The following RELB variants were observed in gnomAD, a reference collection of about 807,000 sequenced individuals.
RELB encodes RELB proto-oncogene, NF-kB subunit, also known as transcription factor RelB.
A neutral mutation model predicts 55.4 loss-of-function variants in RELB; 14 were observed. That is an observed-to-expected ratio of 0.25 (90% CI 0.17 to 0.40). RELB has a LOEUF of 0.40. Among genes scored for constraint, RELB ranks in the 10% least tolerant of loss-of-function variants. The pLI, the probability that RELB is intolerant of heterozygous loss-of-function variation, is 1.00. For synonymous variants in RELB, 409 were observed against 371.3 expected (o/e 1.10, Z -1.17); for missense variants, 669 against 830.7 (o/e 0.81, Z 2.39).
At position 45,031,965 on chromosome 19, in the gene RELB, T is replaced by C. The variant is rs1201998859; in HGVS notation, c.992-569T>C. Among the ~76,000 whole-genome samples, 7 of 151,454 alleles carry C rather than the reference T, an allele frequency of 4.6e-5. No individual in the cohort carries two copies. In the Admixed American group the frequency reaches 4.6e-4, roughly 10 times the overall value. ...AAAATACATAAAACAAGGCCGGGTT[T>C]GGTGGCTTACATCTGTAATCCCAGC... On this transcript the variant is annotated intron_variant, in intron 8 of 11. Coordinates refer to ENST00000221452, the MANE Select transcript of RELB (RefSeq NM_006509.4).
intron 9 of RELB, 68 bp downstream of exon 9, chr19:45,032,817 G>C (rs1214132438): frequency 1.5e-5 from 20 of 1,324,376 alleles, no homozygotes; most frequent in Non-Finnish European, 2.1e-5. Context: ...GGAGACCCCA[G>C]TGGGGATGGG....
intron 7 of RELB, among the ~76,000 whole-genome samples, chr19:45,027,662 T>C (rs1233868684): frequency 6.6e-6 from 1 of 152,016 alleles, no homozygotes; most frequent in Non-Finnish European, 1.5e-5. Flanking sequence ...GGCTCAGCCC[T>C]GCCCAATCCC....
At position 45,014,255 on chromosome 19, in the gene RELB, C is replaced by T. The variant is rs540601625; in HGVS notation, c.504+1979C>T. 1.2e-3 allele frequency among the ~76,000 whole-genome samples: 183 copies of T among 151,334 alleles called. 1 individual carries two copies. Among genetic ancestry groups the T allele is most frequent in the African/African-American group, 4.3e-3 (176 of 41,152 alleles). ...CACAAGCACGGCTCACTGCAGCCTC[C>T]ACCTCCCAGGCTCAAGAGACCCTCC... On this transcript the variant is annotated intron_variant, in intron 4 of 11. Transcript: ENST00000221452.
At chr19:45,012,581 T>G (rs2122416468) in intron 4 of RELB, among the ~76,000 whole-genome samples, 1 of 151,636 alleles carries the variant, frequency 6.6e-6, no homozygotes, top group South Asian at 2.1e-4. Flanking sequence ...CCATCTGTAC[T>G]AAAAGTACAC....
In RELB at chr19:45,006,631, T is replaced by C. The variant is rs971396646; in HGVS notation, c.155-3183T>C. ...AGGAGACAGGTATGAGTCAGTGTAA[T>C]GTGAGGTCATGTGACATCTTCATCA... On this transcript the variant is annotated intron_variant, in intron 2 of 11. Coordinates refer to ENST00000221452, the MANE Select transcript of RELB (RefSeq NM_006509.4). 1.1e-4 allele frequency among the ~76,000 whole-genome samples: 16 copies of C among 151,988 alleles called. 1 individual carries two copies. The highest frequency in any genetic ancestry group is 9.8e-4 in the Admixed American group (15 of 15,234).
At chr19:45,017,237 G>A (rs1784594070) in intron 4 of RELB, among the ~76,000 whole-genome samples, 1 of 152,132 alleles carries the variant, frequency 6.6e-6, no homozygotes, top group South Asian at 2.1e-4. Flanking sequence ...TGCCAAGTGG[G>A]ACTGGCCCTG....
chr19:45,012,746 G>GA (rs145397577), intron 4 of RELB, among the ~76,000 whole-genome samples: 68,441 of 142,018 alleles, frequency 0.48, 17,056 homozygotes, highest in East Asian at 0.57. Flanking sequence ...CAAAAAAAAA[G>GA]AAAAAAAAAA....
chr19:45,032,324 CAGG>C, intron 8 of RELB: 1 of 510,092 alleles, frequency 2.0e-6, no homozygotes, highest in Non-Finnish European at 3.6e-6. Context: ...GAGGCTGAGG[CAGG>C]AGAATTGCTT....
intron 4 of RELB, among the ~76,000 whole-genome samples, chr19:45,019,050 C>T (rs1971453631): frequency 6.6e-6 from 1 of 152,108 alleles, no homozygotes; most frequent in African/African-American, 2.4e-5. Context: ...AACATACACA[C>T]ACACAGATAC....
At chr19:45,022,347 C>T (rs895057134) in intron 5 of RELB, 137 bp downstream of exon 5, 2 of 826,064 alleles carry the variant, frequency 2.4e-6, no homozygotes, top group African/African-American at 1.7e-5. Flanking sequence ...GGGAGACAGG[C>T]CTGGGGACAG....
chr19:45,025,276 G>C, intron 5 of RELB, 53 bp from the exon 6 acceptor site: 1 of 1,323,156 alleles, frequency 7.6e-7, no homozygotes, highest in Non-Finnish European at 1.1e-6. Flanking sequence ...GCAGGTTAGG[G>C]CCACACTTGC....
intron 7 of RELB, among the ~76,000 whole-genome samples, chr19:45,028,685 C>CGATT (rs1340115197): frequency 6.6e-6 from 1 of 152,090 alleles, no homozygotes; most frequent in Admixed American, 6.6e-5. Flanking sequence ...TGAGGGCTGG[C>CGATT]GATTGTTCGT....
At chr19:45,015,752 A>T (rs1971414183) in intron 4 of RELB, among the ~76,000 whole-genome samples, 1 of 151,274 alleles carries the variant, frequency 6.6e-6, no homozygotes, top group South Asian at 2.1e-4. Flanking sequence ...AAAAAGAAAA[A>T]AGAAACAACT....
chr19:45,020,311 C>T (rs939411172), intron 4 of RELB, among the ~76,000 whole-genome samples: 2 of 151,134 alleles, frequency 1.3e-5, no homozygotes, highest in Non-Finnish European at 2.9e-5. Flanking sequence ...GCAACTTCCA[C>T]GTCTCAGGCT....
chr19:45,012,376 G>T, intron 4 of RELB, 100 bp downstream of exon 4: 1 of 683,560 alleles, frequency 1.5e-6, no homozygotes, highest in Non-Finnish European at 2.1e-6. Flanking sequence ...GGTGGCTGTT[G>T]TTGTTATTGT....
rs1411919113 is a variant in RELB at position 45,014,906 on chromosome 19, T to C, written c.504+2630T>C. Reference sequence around the variant, plus strand: ...TGTCTCCAAATCTGGATTCAGGATTTTTTTTTTTTTTTTTGAGACGGAGTC... The same window carrying C: ...TGTCTCCAAATCTGGATTCAGGATTCTTTTTTTTTTTTTTGAGACGGAGTC... On this transcript the variant is annotated intron_variant, in intron 4 of 11. Transcript: ENST00000221452. 3.4e-5 allele frequency among the ~76,000 whole-genome samples: 5 copies of C among 146,282 alleles called. No individual in the cohort carries two copies. In the Admixed American group the frequency reaches 3.4e-4, roughly 10 times the overall value.
At chr19:45,020,199 A>G (rs1267071293) in intron 4 of RELB, among the ~76,000 whole-genome samples, 2 of 151,522 alleles carry the variant, frequency 1.3e-5, no homozygotes, top group African/African-American at 2.4e-5. Context: ...GTCACAATAC[A>G]TGATTTATTC....
chr19:45,012,866 C>T (rs947122328), intron 4 of RELB, among the ~76,000 whole-genome samples: 3 of 151,492 alleles, frequency 2.0e-5, no homozygotes, highest in Non-Finnish European at 4.4e-5. Flanking sequence ...CTGGGCAAGA[C>T]GGCAAAACCC....
intron 7 of RELB, among the ~76,000 whole-genome samples, chr19:45,028,345 T>C (rs1971582038): frequency 6.6e-6 from 1 of 151,714 alleles, no homozygotes; most frequent in Non-Finnish European, 1.5e-5. Flanking sequence ...TGTTTTGTTA[T>C]TTTTTTGTTT....
Sources: gnomAD v4.1 joint callset for allele counts (sites outside exome capture counted in the v4.1 genomes callset) on GRCh38, gnomAD v4.1.1 for gene constraint, MANE v1.5 for transcripts, NCBI Gene and HGNC (gene_info 2026-07-23, HGNC 2026-07-21) for gene names.